TECPR2: variants seen among roughly 807,000 people sequenced by gnomAD.
TECPR2 encodes the protein tectonin beta-propeller repeat-containing protein 2.
A neutral mutation model predicts 138.1 loss-of-function variants in TECPR2; 65 were observed. The observed-to-expected ratio is 0.47, with a 90% CI of 0.39 to 0.58. TECPR2 has a LOEUF of 0.58. TECPR2 is among the 20% of genes least tolerant of loss of function. The pLI is 0.00. For synonymous variants in TECPR2, 746 were observed against 749.8 expected (o/e 0.99, Z 0.08); for missense variants, 1,553 against 1,824.5 (o/e 0.85, Z 2.71).
At chr14:102,377,478 G>A (rs1013523677) in intron 2 of TECPR2, among the ~76,000 whole-genome samples, 1 of 152,112 alleles carries the variant, frequency 6.6e-6, no homozygotes, top group Non-Finnish European at 1.5e-5. Context: ...CTTTAAAAGA[G>A]AATATCACCT....
At chr14:102,482,621 G>A (rs1437226979) in intron 17 of TECPR2, among the ~76,000 whole-genome samples, 1 of 152,112 alleles carries the variant, frequency 6.6e-6, no homozygotes, top group East Asian at 1.9e-4. Flanking sequence ...GTGTTTGTTT[G>A]GGTGGAGTTT....
At chr14:102,479,607 C>A (rs535513484) in intron 17 of TECPR2, among the ~76,000 whole-genome samples, 4 of 152,314 alleles carry the variant, frequency 2.6e-5, no homozygotes, top group African/African-American at 9.6e-5. Context: ...TGGTGCACAT[C>A]TGTGAGATGT....
At chr14:102,464,787 T>C (rs1313200280) in intron 16 of TECPR2, among the ~76,000 whole-genome samples, 2 of 152,224 alleles carry the variant, frequency 1.3e-5, no homozygotes, top group Non-Finnish European at 2.9e-5. Context: ...AAGCTGACGA[T>C]GGGACCCACA....
chr14:102,403,062 T>C (rs536200209), intron 2 of TECPR2, among the ~76,000 whole-genome samples: 1 of 152,258 alleles, frequency 6.6e-6, no homozygotes, highest in South Asian at 2.1e-4. Context: ...TATGCTGATA[T>C]CAAAACTAGA....
intron 12 of TECPR2, among the ~76,000 whole-genome samples, chr14:102,444,842 G>A (rs547435652): frequency 1.3e-5 from 2 of 152,300 alleles, no homozygotes; most frequent in Non-Finnish European, 2.9e-5. Context: ...CATCTCAGGA[G>A]GCTGAGGCAG....
At chr14:102,402,099 T>A (rs570031583) in intron 2 of TECPR2, among the ~76,000 whole-genome samples, 1 of 152,324 alleles carries the variant, frequency 6.6e-6, no homozygotes, top group South Asian at 2.1e-4. Flanking sequence ...AACAATAGCA[T>A]ACATTTTCTC....
rs990671646 is a variant in TECPR2, at chr14:102,501,489, C to T, written c.*3232C>T. ...CCCAGGAGTTTGAGGCTGCAATGAA[C>T]TATGATCACACCACTGCACTCCAGC... is the stretch of plus-strand genomic sequence containing the variant. On this transcript the variant is annotated 3_prime_UTR_variant, in exon 20 of 20. Coordinates refer to ENST00000359520, the MANE Select transcript of TECPR2 (RefSeq NM_014844.5). The T allele has an allele frequency of 2.0e-5, 3 of 152,214 alleles. No homozygotes were observed. Among genetic ancestry groups the T allele is most frequent in the Non-Finnish European group, 4.4e-5 (3 of 68,050 alleles). 9.4% of individuals were successfully genotyped at this position (152,214 alleles called of 1,614,324 possible).
At position 102,500,472 on chromosome 14, in the gene TECPR2, A is replaced by G. The variant is rs1331609434; in HGVS notation, c.*2215A>G. The G allele has an allele frequency of 6.6e-6, 1 of 152,246 alleles. No homozygotes were observed. Among genetic ancestry groups the G allele is most frequent in the Non-Finnish European group, 1.5e-5 (1 of 68,092 alleles). 9.4% of individuals were successfully genotyped at this position (152,246 alleles called of 1,614,324 possible). A position where few individuals can be genotyped will look rare whatever the true frequency, so the allele number is the denominator to read the frequency against. On this transcript the variant is annotated 3_prime_UTR_variant, in exon 20 of 20. Transcript: ENST00000359520. Reference sequence around the variant, plus strand: ...TGTGAGCAGGCGTTGGAGGGGTTCGAGCCCCTGGTTCTGTATCTTCAGCCA... The same window carrying G: ...TGTGAGCAGGCGTTGGAGGGGTTCGGGCCCCTGGTTCTGTATCTTCAGCCA...
chr14:102,413,568 G>A (rs957715304), intron 4 of TECPR2, among the ~76,000 whole-genome samples: 7 of 151,532 alleles, frequency 4.6e-5, no homozygotes, highest in African/African-American at 1.5e-4. Flanking sequence ...TAGTAGAGAC[G>A]AGGTTTCACC....
intron 13 of TECPR2, among the ~76,000 whole-genome samples, chr14:102,446,624 G>C (rs1044008465): frequency 6.6e-5 from 10 of 152,050 alleles, no homozygotes; most frequent in African/African-American, 2.4e-4. Flanking sequence ...AAGAGAGAGA[G>C]AGAGAAATCC....
chr14:102,379,582 G>C (rs1887737397), intron 2 of TECPR2, among the ~76,000 whole-genome samples: 1 of 150,862 alleles, frequency 6.6e-6, no homozygotes, highest in Non-Finnish European at 1.5e-5. Context: ...AGGCACCCTA[G>C]TCACACTGCT....
intron 2 of TECPR2, among the ~76,000 whole-genome samples, chr14:102,389,454 A>G (rs1163596855): frequency 6.6e-6 from 1 of 152,254 alleles, no homozygotes; most frequent in Non-Finnish European, 1.5e-5. Flanking sequence ...CAAAACTTAT[A>G]GAGCTTTAGT....
chr14:102,412,852 T>C (rs1336832027), intron 4 of TECPR2, among the ~76,000 whole-genome samples: 1 of 152,080 alleles, frequency 6.6e-6, no homozygotes, highest in Non-Finnish European at 1.5e-5. Context: ...CCCAGCACTT[T>C]GGGAGGCCAA....
At chr14:102,412,950 G>A (rs1250769979) in intron 4 of TECPR2, among the ~76,000 whole-genome samples, 4 of 152,064 alleles carry the variant, frequency 2.6e-5, no homozygotes, top group Admixed American at 2.6e-4. Flanking sequence ...ATAAAAATTA[G>A]CCAGGTATGG....
rs1461018062 is a variant in TECPR2 at position 102,499,064 on chromosome 14, A to C, written c.*807A>C. ...CACACCACACCACACCTCACTGCCC[A>C]CACACGGCGCAGGCTGCCCGCCTCC... On this transcript the variant is annotated 3_prime_UTR_variant, in exon 20 of 20. Coordinates refer to ENST00000359520, the MANE Select transcript of TECPR2 (RefSeq NM_014844.5). The C allele has an allele frequency of 1.4e-6, 1 of 701,918 alleles. No homozygotes were observed. The highest frequency in any genetic ancestry group is 1.7e-5 in the African/African-American group (1 of 57,334). The allele number at this position is 701,918 out of a possible 1,614,324, so 43.5% of individuals were successfully genotyped here.
Position 102,498,685 on chromosome 14 carries a change from G to A in TECPR2, c.*428G>A. ...CAGGGCCAGATGGAGCCAAAGGTCAGCTCTCTGCAGCGCGGGATGTGCTCG... is the reference window on the plus strand; with the variant it reads ...CAGGGCCAGATGGAGCCAAAGGTCAACTCTCTGCAGCGCGGGATGTGCTCG... On this transcript the variant is annotated 3_prime_UTR_variant, in exon 20 of 20. Transcript: ENST00000359520. 2.5e-6 allele frequency: 1 copy of A among 407,060 alleles called. No homozygotes were observed. 25.2% of individuals were successfully genotyped at this position (407,060 alleles called of 1,614,324 possible).
chr14:102,414,835 C>T (rs1368987500), intron 5 of TECPR2, 42 bp downstream of exon 5: 3 of 1,607,950 alleles, frequency 1.9e-6, no homozygotes, highest in Non-Finnish European at 1.7e-6. Context: ...AATGCTGGGC[C>T]TTGTTGTAGA....
intron 17 of TECPR2, among the ~76,000 whole-genome samples, chr14:102,470,241 CT>C (rs1890628419): frequency 6.6e-6 from 1 of 151,466 alleles, no homozygotes; most frequent in South Asian, 2.1e-4. Context: ...TAGGCCTGAA[CT>C]TTTTTTGTGG....
At chr14:102,416,322 T>C (rs1254515620) in intron 5 of TECPR2, among the ~76,000 whole-genome samples, 4 of 152,250 alleles carry the variant, frequency 2.6e-5, no homozygotes, top group Non-Finnish European at 4.4e-5. Flanking sequence ...GGTTTCACCA[T>C]GTTGGTCAGG....
Sources: allele counts gnomAD v4.1 joint callset (sites outside exome capture counted in the v4.1 genomes callset), GRCh38; gene constraint gnomAD v4.1.1; transcripts MANE v1.5; gene names NCBI Gene and HGNC (gene_info 2026-07-23, HGNC 2026-07-21).